Variants in SH3BP4 observed in about 807,000 individuals in gnomAD.
SH3BP4 encodes SH3 domain binding protein 4, also known as SH3 domain-binding protein 4.
SH3BP4 carries 33 observed loss-of-function variants against 65.5 expected under a neutral mutation model. That is an observed-to-expected ratio of 0.50 (90% CI 0.38 to 0.67). The LOEUF is 0.67. Ranked by LOEUF, SH3BP4 falls within the 30% of genes least tolerant of loss-of-function variation. The probability of loss-of-function intolerance (pLI) is 0.00; values close to 1 mark genes in which losing one functional copy is unlikely to be tolerated. For missense variants in SH3BP4, 1,134 were observed against 1,261.4 expected, an observed-to-expected ratio of 0.90 and a Z score of 1.53; for synonymous variants, 552 against 545.5, an observed-to-expected ratio of 1.01 and a Z score of -0.17.
chr2:235,000,207 CCTT>C (rs1204527897), intron 2 of SH3BP4, among the ~76,000 whole-genome samples: 5 of 152,238 alleles, frequency 3.3e-5, no homozygotes, highest in Admixed American at 2.6e-4. Context: ...TCCCTCCTTC[CCTT>C]CTTCCTTCCT....
rs903071628 is a variant in SH3BP4, at chr2:235,045,872, C to T, written c.2478+2625C>T. Among the ~76,000 whole-genome samples, 1 of 152,152 alleles carries T rather than the reference C, an allele frequency of 6.6e-6. No individual in the cohort carries two copies. Among genetic ancestry groups the T allele is most frequent in the Non-Finnish European group, 1.5e-5 (1 of 68,032 alleles). On this transcript the variant is annotated intron_variant, in intron 4 of 5. Coordinates refer to ENST00000392011, the MANE Select transcript of SH3BP4 (RefSeq NM_014521.3). The surrounding 1 kb of genome is among the most constrained non-coding windows in gnomAD (Gnocchi z 4.3). Reference sequence around the variant, plus strand: ...TTGTTCTGATGCCTTGGGTTGGAAACAGTGTTTAAATGATGGGGAAAATGT... The same window carrying T: ...TTGTTCTGATGCCTTGGGTTGGAAATAGTGTTTAAATGATGGGGAAAATGT...
rs79470807 is a variant in SH3BP4, at chr2:234,962,586, C to T, written c.-207+10416C>T. 2.4e-3 allele frequency among the ~76,000 whole-genome samples: 359 copies of T among 152,292 alleles called. 2 individuals carry two copies. The highest frequency in any genetic ancestry group is 8.1e-3 in the African/African-American group (336 of 41,548). ...AAATCACATCAGTGGAATTCTACCA[C>T]CCATGATGACCACTCTGGACACTTT... is the stretch of plus-strand genomic sequence containing the variant. On this transcript the variant is annotated intron_variant, in intron 1 of 5. Transcript: ENST00000392011.
At chr2:234,970,329 C>G (rs1299210538) in intron 1 of SH3BP4, among the ~76,000 whole-genome samples, 1 of 152,180 alleles carries the variant, frequency 6.6e-6, no homozygotes, top group African/African-American at 2.4e-5. Flanking sequence ...TCAGAATCAA[C>G]TGTGAAGGTT....
At chr2:234,960,167 A>G (rs1420651474) in intron 1 of SH3BP4, among the ~76,000 whole-genome samples, 1 of 152,254 alleles carries the variant, frequency 6.6e-6, no homozygotes, top group Non-Finnish European at 1.5e-5. Context: ...ATACTTACAC[A>G]TAATTCATGT....
At chr2:235,007,702 A>AGGC in intron 2 of SH3BP4, among the ~76,000 whole-genome samples, 1 of 152,222 alleles carries the variant, frequency 6.6e-6, no homozygotes, top group African/African-American at 2.4e-5. Context: ...AGAAGAGACC[A>AGGC]GGCGTGCAGT....
At position 235,041,130 on chromosome 2, in the gene SH3BP4, G is replaced by A; in HGVS notation, c.361G>A (p.Asp121Asn). 1.2e-6 allele frequency: 2 copies of A among 1,614,218 alleles called. No homozygotes were observed. The highest frequency in any genetic ancestry group is 2.2e-5 in the South Asian group (2 of 91,086). Residue 121 changes from aspartate (D) to asparagine (N), a missense_variant, in exon 4 of 6, where the codon GAC becomes AAC. Transcript: ENST00000392011. This position sits in a 1 kb window ranked among gnomAD's most constrained non-coding sequence, Gnocchi z 6.0. ...GAACTACCGGAACTCAACACTGAGT[G>A]ACAGCGGTATGATTGATAATCTTCC... The part of the protein sequence containing the change: ...PLNYRNSTLS[D>N]SGMIDNLPDS...
intron 2 of SH3BP4, among the ~76,000 whole-genome samples, chr2:234,999,342 CTAT>C (rs1694027762): frequency 6.6e-6 from 1 of 152,154 alleles, no homozygotes; most frequent in African/African-American, 2.4e-5. Context: ...AAAGATTCCG[CTAT>C]TATTTATTTC....
intron 1 of SH3BP4, among the ~76,000 whole-genome samples, chr2:234,990,046 C>T (rs1277983646): frequency 6.6e-6 from 1 of 152,242 alleles, no homozygotes; most frequent in African/African-American, 2.4e-5. Flanking sequence ...ATAAAATCAC[C>T]TTTGGACTAT....
intron 1 of SH3BP4, among the ~76,000 whole-genome samples, chr2:234,990,036 A>G (rs898002604): frequency 1.1e-4 from 17 of 152,268 alleles, no homozygotes; most frequent in African/African-American, 3.9e-4. Context: ...AAAATGTTGT[A>G]TAAAATCACC....
chr2:235,015,362 A>G (rs1176322222), intron 2 of SH3BP4, among the ~76,000 whole-genome samples: 1 of 152,132 alleles, frequency 6.6e-6, no homozygotes, highest in East Asian at 1.9e-4. Context: ...CAGAAGGCTC[A>G]ACTTCTAACC....
intron 3 of SH3BP4, among the ~76,000 whole-genome samples, chr2:235,040,604 A>G (rs1035656160): frequency 1.3e-5 from 2 of 151,734 alleles, no homozygotes; most frequent in Non-Finnish European, 2.9e-5. Flanking sequence ...GGCATGTTAA[A>G]TATTCCATTG....
At chr2:235,028,329 G>A (rs1383145890) in intron 2 of SH3BP4, among the ~76,000 whole-genome samples, 1 of 152,218 alleles carries the variant, frequency 6.6e-6, no homozygotes, top group East Asian at 1.9e-4. Context: ...GACCTGCTGA[G>A]TAGACGGTGG....
chr2:234,982,651 T>C (rs1574789980), intron 1 of SH3BP4, among the ~76,000 whole-genome samples: 1 of 151,356 alleles, frequency 6.6e-6, no homozygotes, highest in Non-Finnish European at 1.5e-5. Context: ...GGAGAGGCAG[T>C]TTTTGCACAG....
At position 235,042,628 on chromosome 2, in the gene SH3BP4, C is replaced by G; in HGVS notation, c.1859C>G (p.Ser620Cys). ...CCCCCTAAAAGTGCCATCAAGCCTT[C>G]CGGGCAAAGGAGGTTTCTCAAGAAG... is the stretch of plus-strand genomic sequence containing the variant. ...QPPPKSAIKP[S>C]GQRRFLKKNE... Residue 620 changes from serine to cysteine, a missense_variant, in exon 4 of 6, where the codon TCC becomes TGC. Coordinates refer to ENST00000392011, the MANE Select transcript of SH3BP4 (RefSeq NM_014521.3). The surrounding 1 kb of genome is among the most constrained non-coding windows in gnomAD (Gnocchi z 7.3). 3 of 1,614,130 alleles carry G rather than the reference C, an allele frequency of 1.9e-6. No homozygotes were observed. The highest frequency in any genetic ancestry group is 2.5e-6 in the Non-Finnish European group (3 of 1,180,040).
chr2:235,028,701 G>T (rs990326264), intron 2 of SH3BP4, among the ~76,000 whole-genome samples: 1 of 152,168 alleles, frequency 6.6e-6, no homozygotes, highest in African/African-American at 2.4e-5. Flanking sequence ...GGTGTGTCTA[G>T]CGGTGGTAAA....
intron 2 of SH3BP4, among the ~76,000 whole-genome samples, chr2:235,031,454 C>T (rs572474111): frequency 2.0e-5 from 3 of 152,334 alleles, no homozygotes; most frequent in African/African-American, 2.4e-5. Flanking sequence ...TCAAAGAAAA[C>T]GACATTGCTG....
intron 2 of SH3BP4, among the ~76,000 whole-genome samples, chr2:235,032,958 G>A (rs1037146522): frequency 3.9e-5 from 6 of 152,212 alleles, no homozygotes; most frequent in Non-Finnish European, 7.4e-5. Flanking sequence ...CCAGTTTGGG[G>A]AGAACAGCTT....
chr2:234,973,495 T>C (rs763549405), intron 1 of SH3BP4, among the ~76,000 whole-genome samples: 1 of 152,170 alleles, frequency 6.6e-6, no homozygotes, highest in Non-Finnish European at 1.5e-5. Context: ...TCATCGAGGA[T>C]TTGTTGACCA....
At chr2:234,999,004 G>A (rs1048100682) in intron 2 of SH3BP4, among the ~76,000 whole-genome samples, 1 of 152,218 alleles carries the variant, frequency 6.6e-6, no homozygotes, top group African/African-American at 2.4e-5. Flanking sequence ...GCGGCTGAAC[G>A]GGAAGCTGTG....
Sources: gnomAD v4.1 joint callset for allele counts (sites outside exome capture counted in the v4.1 genomes callset) on GRCh38, gnomAD v4.1.1 for gene constraint, Gnocchi (gnomAD v3.1) non-coding constraint, MANE v1.5 for transcripts, NCBI Gene and HGNC (gene_info 2026-07-23, HGNC 2026-07-21) for gene names.